The following DDX24 variants were observed in gnomAD, a reference collection of about 807,000 sequenced individuals.
DDX24 encodes the protein ATP-dependent RNA helicase DDX24.
Under a neutral mutation model 68.9 loss-of-function variants are expected in DDX24, and 24 were observed. The observed-to-expected ratio is 0.35, with a 90% CI of 0.25 to 0.49. DDX24 has a LOEUF of 0.49. Among genes scored for constraint, DDX24 ranks in the 20% least tolerant of loss-of-function variants. The pLI, the probability that DDX24 is intolerant of heterozygous loss-of-function variation, is 0.99. For missense variants in DDX24, 989 were observed against 1,039.0 expected, an observed-to-expected ratio of 0.95 and a Z score of 0.66; for synonymous variants, 395 against 385.2, an observed-to-expected ratio of 1.03 and a Z score of -0.30.
intron 8 of DDX24, among the ~76,000 whole-genome samples, chr14:94,052,728 C>A (rs1254259740): frequency 6.6e-6 from 1 of 152,208 alleles, no homozygotes. Context: ...CTAACACAGG[C>A]AGCCTGGCCA....
At chr14:94,077,726 T>A (rs200060565) in intron 2 of DDX24, among the ~76,000 whole-genome samples, 2 of 152,172 alleles carry the variant, frequency 1.3e-5, no homozygotes, top group Non-Finnish European at 2.9e-5. Context: ...CTTCCATCTA[T>A]ATGACTGCCA....
At position 94,079,804 on chromosome 14, in the gene DDX24, T is replaced by G. The variant is rs771381265; in HGVS notation, c.-5-57A>C. 7.3e-6 allele frequency: 11 copies of G among 1,499,726 alleles called. No individual in the cohort carries two copies. In the African/African-American group the frequency reaches 1.5e-4, roughly 21 times the overall value. 92.9% of individuals were successfully genotyped at this position (1,499,726 alleles called of 1,614,324 possible). On this transcript the variant is annotated intron_variant, in intron 1 of 8. Coordinates refer to ENST00000621632, the MANE Select transcript of DDX24 (RefSeq NM_020414.4). The stretch of plus-strand genomic sequence containing the variant: ...GTGTCTGAGAAGCAGAGGGTTCTGA[T>G]GTAACAAATATTTTCTAAGCAACTA...
chr14:94,071,711 C>T (rs756076354), intron 2 of DDX24, among the ~76,000 whole-genome samples: 39 of 151,734 alleles, frequency 2.6e-4, no homozygotes, highest in Admixed American at 6.6e-4. Flanking sequence ...TTTGGGAGGC[C>T]GAGATGGGCG....
intron 8 of DDX24, 89 bp downstream of exon 8, chr14:94,052,909 A>T: frequency 6.7e-7 from 1 of 1,501,296 alleles, no homozygotes; most frequent in Non-Finnish European, 8.9e-7. Context: ...GATTTTGACA[A>T]GACCCACAGT....
intron 2 of DDX24, among the ~76,000 whole-genome samples, chr14:94,068,788 G>A (rs952156480): frequency 6.6e-6 from 1 of 152,156 alleles, no homozygotes; most frequent in Non-Finnish European, 1.5e-5. Flanking sequence ...AAATCAGTTT[G>A]TAAATTTAAA....
At chr14:94,073,894 T>C (rs1345248905) in intron 2 of DDX24, among the ~76,000 whole-genome samples, 1 of 151,708 alleles carries the variant, frequency 6.6e-6, no homozygotes, top group African/African-American at 2.4e-5. Context: ...ATACAAAAAA[T>C]TAGCCGGGCA....
chr14:94,069,778 T>C lies in DDX24; in HGVS notation c.719-7157A>G, dbSNP rs150646449. Among the ~76,000 whole-genome samples the C allele has an allele frequency of 2.9e-3, 435 of 152,246 alleles. 2 individuals carry two copies. The highest frequency in any genetic ancestry group is 3.6e-3 in the Non-Finnish European group (245 of 67,994). ...ACCAAAATCACATGATCTCAATAGA[T>C]GGAGAAAAAGCATTAGACAAAATCC... On this transcript the variant is annotated intron_variant, in intron 2 of 8. Coordinates refer to ENST00000621632, the MANE Select transcript of DDX24 (RefSeq NM_020414.4).
chr14:94,057,131 A>C (rs938156469), intron 6 of DDX24: 3 of 152,184 alleles, frequency 2.0e-5, no homozygotes, highest in Non-Finnish European at 4.4e-5. Flanking sequence ...TGACACTGAA[A>C]CCAGAGGTAC....
At chr14:94,060,722 C>T in intron 4 of DDX24, 109 bp from the exon 5 acceptor site, 2 of 1,461,346 alleles carry the variant, frequency 1.4e-6, no homozygotes, top group Non-Finnish European at 1.9e-6. Flanking sequence ...ACGTACACAC[C>T]CCACTACCAC....
At chr14:94,057,055 C>A (rs1885504384) in intron 6 of DDX24, 1 of 152,210 alleles carries the variant, frequency 6.6e-6, no homozygotes, top group Non-Finnish European at 1.5e-5. Context: ...TCATCAGCAT[C>A]AGCTCAATTT....
In DDX24 at chr14:94,075,730, A is replaced by C. The variant is rs190766874; in HGVS notation, c.718+3295T>G. Among the ~76,000 whole-genome samples, 154 of 152,340 alleles carry C rather than the reference A, an allele frequency of 1.0e-3. 3 individuals are homozygous for C. The South Asian group carries it at 0.016, about 15-fold the overall frequency. ...TAAGAGAACGAAAAGATAAGCCACA[A>C]ACTGGGAGAAAAATTTGCAAATCTC... On this transcript the variant is annotated intron_variant, in intron 2 of 8. Coordinates refer to ENST00000621632, the MANE Select transcript of DDX24 (RefSeq NM_020414.4).
intron 2 of DDX24, among the ~76,000 whole-genome samples, chr14:94,065,336 G>A (rs1254828903): frequency 6.7e-6 from 1 of 149,754 alleles, no homozygotes; most frequent in Non-Finnish European, 1.5e-5. Flanking sequence ...ACAGGTGTGA[G>A]CCACTGCACC....
At chr14:94,053,438 T>C (rs191351588) in intron 7 of DDX24, 3 of 242,358 alleles carry the variant, frequency 1.2e-5, no homozygotes, top group African/African-American at 7.5e-5. Flanking sequence ...TGAACTCCTG[T>C]GCTCAAGCAA....
rs757024273 is a variant in DDX24 at position 94,075,460 on chromosome 14, CA to C, written c.718+3564del. Among the ~76,000 whole-genome samples the C allele has an allele frequency of 3.9e-5, 6 of 152,268 alleles. No homozygotes were observed. The South Asian group carries it at 1.2e-3, about 32-fold the overall frequency. On this transcript the variant is annotated intron_variant, in intron 2 of 8. Coordinates refer to ENST00000621632, the MANE Select transcript of DDX24 (RefSeq NM_020414.4). ...AATTAGCCATATGCAGAAAAACCCA[CA>C]AACTTTGATCCATACTTCTCACTCT...
chr14:94,051,616 G>C, intron 8 of DDX24, 154 bp from the exon 9 acceptor site: 1 of 900,092 alleles, frequency 1.1e-6, no homozygotes, highest in Non-Finnish European at 1.6e-6. Flanking sequence ...GCTTGGCAGG[G>C]GCTGTAAATG....
intron 6 of DDX24, chr14:94,056,596 G>GT: frequency 7.3e-6 from 1 of 136,886 alleles, no homozygotes; most frequent in Non-Finnish European, 1.6e-5. Flanking sequence ...TAATAAACTG[G>GT]TAAATGTGTT....
intron 2 of DDX24, among the ~76,000 whole-genome samples, chr14:94,074,916 G>A (rs1377050477): frequency 2.0e-5 from 3 of 152,102 alleles, no homozygotes; most frequent in Non-Finnish European, 4.4e-5. Flanking sequence ...ATTTACAATA[G>A]AATCAAAAAT....
chr14:94,064,409 G>A (rs923685279), intron 2 of DDX24, among the ~76,000 whole-genome samples: 8 of 152,226 alleles, frequency 5.3e-5, no homozygotes, highest in Non-Finnish European at 1.0e-4. Context: ...AAGATGACTA[G>A]TGGCTGGAGT....
intron 2 of DDX24, among the ~76,000 whole-genome samples, chr14:94,071,393 A>G (rs892160552): frequency 2.6e-5 from 4 of 152,242 alleles, no homozygotes; most frequent in African/African-American, 9.6e-5. Context: ...TCATGCCTGT[A>G]ATCCCAGCAC....
Sources: allele counts gnomAD v4.1 joint callset (sites outside exome capture counted in the v4.1 genomes callset), GRCh38; gene constraint gnomAD v4.1.1; transcripts MANE v1.5; gene names NCBI Gene and HGNC (gene_info 2026-07-23, HGNC 2026-07-21).